The following BICDL2 variants were observed in gnomAD, a reference collection of about 807,000 sequenced individuals.
BICDL2 encodes BICD family-like cargo adapter 2.
A neutral mutation model predicts 56.6 loss-of-function variants in BICDL2; 62 were observed. The ratio of observed to expected loss-of-function variants is 1.10; its 90% CI spans 0.89 to 1.35. The LOEUF (loss-of-function observed/expected upper bound fraction) is 1.35. Ranked by LOEUF, BICDL2 falls within the 40% of genes most tolerant of loss-of-function variation. The pLI is 0.00. For missense variants in BICDL2, 808 were observed against 684.5 expected (o/e 1.18, Z -2.01); for synonymous variants, 358 against 319.8 (o/e 1.12, Z -1.27).
At chr16:3,030,912 C>T (rs1955643884) in intron 3 of BICDL2, 23 bp downstream of exon 3, 1 of 1,545,214 alleles carries the variant, frequency 6.5e-7, no homozygotes, top group Non-Finnish European at 8.7e-7. Flanking sequence ...TTGTCCAGGG[C>T]CCTGGGGTCA....
Sources: allele counts gnomAD v4.1 joint callset, GRCh38; gene constraint gnomAD v4.1.1; transcripts MANE v1.5; gene names NCBI Gene and HGNC (gene_info 2026-07-23, HGNC 2026-07-21).